Variants in MDGA2 observed in about 807,000 individuals in gnomAD.
MDGA2 encodes MAM domain-containing glycosylphosphatidylinositol anchor protein 2.
Under a neutral mutation model 117.8 loss-of-function variants are expected in MDGA2, and 40 were observed. That is an observed-to-expected ratio of 0.34 (90% CI 0.26 to 0.44). The LOEUF (loss-of-function observed/expected upper bound fraction) is 0.44, where lower values mean the gene tolerates loss of function less well. MDGA2 is among the 20% of genes least tolerant of loss of function. The pLI is 1.00. For missense variants in MDGA2, 1,123 were observed against 1,250.6 expected (o/e 0.90, Z 1.54); for synonymous variants, 452 against 439.0 (o/e 1.03, Z -0.37).
At chr14:47,336,492 T>G (rs1465011181) in intron 1 of MDGA2, among the ~76,000 whole-genome samples, 3 of 151,992 alleles carry the variant, frequency 2.0e-5, no homozygotes, top group African/African-American at 7.2e-5. Context: ...GGCATTATTT[T>G]TCTTATTTTT....
chr14:46,927,870 A>G (rs1209479551), intron 9 of MDGA2, among the ~76,000 whole-genome samples: 1 of 152,208 alleles, frequency 6.6e-6, no homozygotes, highest in African/African-American at 2.4e-5. Flanking sequence ...CATCACATTA[A>G]GGCAGACTAC....
chr14:47,481,462 A>G (rs940218682), intron 1 of MDGA2, among the ~76,000 whole-genome samples: 1 of 152,000 alleles, frequency 6.6e-6, no homozygotes, highest in African/African-American at 2.4e-5. Context: ...ATGAGTTCTT[A>G]TAGACACTAA....
At chr14:47,176,368 G>C (rs1884448690) in intron 3 of MDGA2, among the ~76,000 whole-genome samples, 1 of 152,146 alleles carries the variant, frequency 6.6e-6, no homozygotes, top group African/African-American at 2.4e-5. Context: ...AAAGAACAAA[G>C]CTGGAGGCAT....
At chr14:47,565,587 G>T (rs1895902019) in intron 1 of MDGA2, among the ~76,000 whole-genome samples, 1 of 152,204 alleles carries the variant, frequency 6.6e-6, no homozygotes, top group Admixed American at 6.5e-5. Context: ...TCTTTGTTGA[G>T]TAGTAGCAGC....
At chr14:47,348,190 TG>T (rs1233903318) in intron 1 of MDGA2, among the ~76,000 whole-genome samples, 4 of 151,324 alleles carry the variant, frequency 2.6e-5, no homozygotes, top group African/African-American at 9.7e-5. Flanking sequence ...TGTGTGTGTG[TG>T]TGTGCTTAAA....
At chr14:47,218,999 A>T (rs1886202577) in intron 2 of MDGA2, among the ~76,000 whole-genome samples, 1 of 152,068 alleles carries the variant, frequency 6.6e-6, no homozygotes, top group Admixed American at 6.6e-5. Flanking sequence ...TAGTGTATAA[A>T]ACCTGAATAA....
At chr14:47,666,704 C>T (rs879969990) in intron 1 of MDGA2, among the ~76,000 whole-genome samples, 17 of 152,172 alleles carry the variant, frequency 1.1e-4, no homozygotes, top group Admixed American at 7.9e-4. Flanking sequence ...AGTGGCAACC[C>T]GCTTGGGTCC....
chr14:47,597,213 T>A (rs1163566267), intron 1 of MDGA2, among the ~76,000 whole-genome samples: 1 of 152,114 alleles, frequency 6.6e-6, no homozygotes, highest in Non-Finnish European at 1.5e-5. Context: ...TCTAAGAGAA[T>A]CATTAAAATA....
chr14:47,567,623 G>C (rs1895943634), intron 1 of MDGA2, among the ~76,000 whole-genome samples: 1 of 152,166 alleles, frequency 6.6e-6, no homozygotes, highest in Non-Finnish European at 1.5e-5. Context: ...CTGAACACAT[G>C]CTCTTCTGGG....
intron 1 of MDGA2, among the ~76,000 whole-genome samples, chr14:47,436,267 A>G (rs1892896316): frequency 6.6e-6 from 1 of 152,164 alleles, no homozygotes; most frequent in African/African-American, 2.4e-5. Flanking sequence ...AGTTTATATA[A>G]TAGTTCAGGT....
At chr14:47,070,419 T>C (rs1890239123) in intron 6 of MDGA2, among the ~76,000 whole-genome samples, 2 of 152,136 alleles carry the variant, frequency 1.3e-5, no homozygotes. Flanking sequence ...GTGGGAGCCA[T>C]CCCTTTGAAA....
At chr14:46,891,253 A>G (rs1882872663) in intron 10 of MDGA2, among the ~76,000 whole-genome samples, 1 of 151,870 alleles carries the variant, frequency 6.6e-6, no homozygotes, top group South Asian at 2.1e-4. Flanking sequence ...CTATATTTTT[A>G]TATTTTAACT....
chr14:47,154,760 G>A (rs567717681), intron 3 of MDGA2, among the ~76,000 whole-genome samples: 27 of 152,246 alleles, frequency 1.8e-4, no homozygotes, highest in African/African-American at 6.3e-4. Flanking sequence ...ACTCGGCACC[G>A]GCCTGCAGGC....
At chr14:46,959,251 A>ATGTGTGTG (rs3985119) in intron 8 of MDGA2, among the ~76,000 whole-genome samples, 1 of 140,132 alleles carries the variant, frequency 7.1e-6, no homozygotes, top group East Asian at 2.2e-4. Flanking sequence ...AATGCTATAT[A>ATGTGTGTG]TGTGTGTGTG....
intron 14 of MDGA2, among the ~76,000 whole-genome samples, chr14:46,868,646 TG>T (rs1177729430): frequency 1.3e-5 from 2 of 151,970 alleles, no homozygotes; most frequent in African/African-American, 4.8e-5. Flanking sequence ...GCAAGCGAAA[TG>T]CAGTACTACG....
intron 1 of MDGA2, among the ~76,000 whole-genome samples, chr14:47,465,941 T>C (rs1451441180): frequency 6.6e-6 from 1 of 151,998 alleles, no homozygotes; most frequent in Non-Finnish European, 1.5e-5. Flanking sequence ...TGCTCATCAA[T>C]GACAGATTGT....
chr14:47,021,587 G>A (rs1888288211), intron 8 of MDGA2, among the ~76,000 whole-genome samples: 1 of 152,014 alleles, frequency 6.6e-6, no homozygotes, highest in Non-Finnish European at 1.5e-5. Flanking sequence ...ATAACTTGTT[G>A]CAATGCAATT....
rs868005683 is a variant in MDGA2, at chr14:47,673,837, A to G, written c.280+680T>C. 4.6e-5 allele frequency among the ~76,000 whole-genome samples: 7 copies of G among 151,992 alleles called. No homozygotes were observed. In the Middle Eastern group the frequency reaches 0.01, roughly 222 times the overall value. ...ATGAGATTGTGTTCCCGCTGCAGCG[A>G]GCTAGTGTCCTGCCCTGGAACCCAG... On this transcript the variant is annotated intron_variant, in intron 1 of 16. Transcript: ENST00000399232.
At chr14:46,850,312 A>G (rs1266785653) in intron 15 of MDGA2, among the ~76,000 whole-genome samples, 1 of 151,876 alleles carries the variant, frequency 6.6e-6, no homozygotes, top group Admixed American at 6.6e-5. Flanking sequence ...GTCAAATGTA[A>G]TTTCTCAGCA....
Sources: allele counts gnomAD v4.1 joint callset (sites outside exome capture counted in the v4.1 genomes callset), GRCh38; gene constraint gnomAD v4.1.1; transcripts MANE v1.5; gene names NCBI Gene and HGNC (gene_info 2026-07-23, HGNC 2026-07-21).